GRM7: variants seen among roughly 807,000 people sequenced by gnomAD.
GRM7 encodes the protein glutamate metabotropic receptor 7.
A neutral mutation model predicts 84.5 loss-of-function variants in GRM7; 35 were observed. The ratio of observed to expected loss-of-function variants is 0.41; its 90% CI spans 0.32 to 0.55. The LOEUF is 0.55. Ranked by LOEUF, GRM7 falls within the 20% of genes least tolerant of loss-of-function variation. The pLI, the probability that GRM7 is intolerant of heterozygous loss-of-function variation, is 0.19. For missense variants in GRM7, 1,003 were observed against 1,194.6 expected (o/e 0.84, Z 2.36); for synonymous variants, 487 against 455.1 (o/e 1.07, Z -0.89).
At chr3:7,466,449 AT>A (rs1698463786) in intron 7 of GRM7, among the ~76,000 whole-genome samples, 1 of 152,240 alleles carries the variant, frequency 6.6e-6, no homozygotes, top group South Asian at 2.1e-4. Flanking sequence ...GTAGGAGTAT[AT>A]TTCTGAAAAA....
chr3:7,385,289 ATTTTTTTTTTTTTTTT>A, intron 4 of GRM7, among the ~76,000 whole-genome samples: 1 of 67,288 alleles, frequency 1.5e-5, no homozygotes, highest in African/African-American at 5.5e-5. Flanking sequence ...TTCTATATGG[ATTTTTTTTTTTTTTTT>A]TTTTTTTTTT....
chr3:7,432,083 T>C (rs1338911406), intron 5 of GRM7, among the ~76,000 whole-genome samples: 4 of 152,138 alleles, frequency 2.6e-5, no homozygotes, highest in Non-Finnish European at 5.9e-5. Context: ...AGCATGAAGC[T>C]GGAACTGCTT....
At chr3:7,201,912 C>T (rs1443937468) in intron 2 of GRM7, among the ~76,000 whole-genome samples, 7 of 152,132 alleles carry the variant, frequency 4.6e-5, no homozygotes, top group South Asian at 2.1e-4. Flanking sequence ...GGGAATGTTT[C>T]GGAACAAGAT....
At chr3:6,957,161 C>A (rs1359161026) in intron 1 of GRM7, among the ~76,000 whole-genome samples, 2 of 152,184 alleles carry the variant, frequency 1.3e-5, no homozygotes, top group African/African-American at 2.4e-5. Flanking sequence ...GGGACTGCCA[C>A]TAAGTGCAAT....
At chr3:7,731,576 A>T (rs1420872636) in intron 9 of GRM7, among the ~76,000 whole-genome samples, 1 of 152,184 alleles carries the variant, frequency 6.6e-6, no homozygotes, top group Non-Finnish European at 1.5e-5. Flanking sequence ...CTTGCCCAAA[A>T]CTCAACCACT....
In GRM7 at chr3:7,191,676, G is replaced by C. The variant is rs78756995; in HGVS notation, c.736+45008G>C. On this transcript the variant is annotated intron_variant, in intron 2 of 9. Transcript: ENST00000357716. ...ACATACTAGATGAATCCATTTCTATGACATTCTTGAAACGACAAGGCATGA... is the reference window on the plus strand; with the variant it reads ...ACATACTAGATGAATCCATTTCTATCACATTCTTGAAACGACAAGGCATGA... 1.2e-3 allele frequency among the ~76,000 whole-genome samples: 183 copies of C among 150,628 alleles called. 1 individual carries two copies. Among genetic ancestry groups the C allele is most frequent in the African/African-American group, 4.4e-3 (180 of 40,894 alleles).
At chr3:7,383,014 T>C (rs1221333290) in intron 4 of GRM7, among the ~76,000 whole-genome samples, 5 of 152,164 alleles carry the variant, frequency 3.3e-5, no homozygotes, top group African/African-American at 4.8e-5. Flanking sequence ...GCCATGTGTT[T>C]GTATTGATTT....
At chr3:7,287,228 T>C (rs1699462489) in intron 2 of GRM7, among the ~76,000 whole-genome samples, 1 of 152,194 alleles carries the variant, frequency 6.6e-6, no homozygotes, top group Non-Finnish European at 1.5e-5. Context: ...AGGTGTGATC[T>C]AAGAACCTAA....
In GRM7 at chr3:7,461,488, C is replaced by T. The variant is rs956379637; in HGVS notation, c.1376-95C>T. 4.8e-6 allele frequency: 5 copies of T among 1,031,168 alleles called. No homozygotes were observed. The African/African-American group carries it at 7.9e-5, about 16-fold the overall frequency. 63.9% of individuals were successfully genotyped at this position (1,031,168 alleles called of 1,614,324 possible). A position where few individuals can be genotyped will look rare whatever the true frequency, so the allele number is the denominator to read the frequency against. On this transcript the variant is annotated intron_variant, in intron 6 of 9. Coordinates refer to ENST00000357716, the MANE Select transcript of GRM7 (RefSeq NM_000844.4). ...AAGGGGATATCTAGTAACTACCTTT[C>T]TCCTCGTTAAGTCTCTAGCCTGTCA...
chr3:7,064,202 A>G (rs1697537343), intron 1 of GRM7, among the ~76,000 whole-genome samples: 1 of 150,956 alleles, frequency 6.6e-6, no homozygotes, highest in South Asian at 2.1e-4. Context: ...TCTATACACT[A>G]TACTATATTT....
At chr3:7,511,426 GGTGAGTGCACCACAGACATT>G (rs1262904382) in intron 7 of GRM7, among the ~76,000 whole-genome samples, 2 of 150,078 alleles carry the variant, frequency 1.3e-5, no homozygotes, top group Non-Finnish European at 2.9e-5. Context: ...GCTGCACAGT[GGTGAGTGCACCACAGACATT>G]GTGACTGCAC....
intron 7 of GRM7, among the ~76,000 whole-genome samples, chr3:7,531,670 C>T (rs1701041455): frequency 6.6e-6 from 1 of 152,162 alleles, no homozygotes; most frequent in Non-Finnish European, 1.5e-5. Flanking sequence ...TGAGACTTTG[C>T]AGAAGTAGCT....
intron 2 of GRM7, among the ~76,000 whole-genome samples, chr3:7,263,949 T>C (rs1348977361): frequency 1.3e-5 from 2 of 151,640 alleles, no homozygotes; most frequent in African/African-American, 4.8e-5. Flanking sequence ...CGTGGGCGAG[T>C]GCATGCAGGC....
chr3:6,953,067 G>A (rs964539242), intron 1 of GRM7, among the ~76,000 whole-genome samples: 25 of 152,278 alleles, frequency 1.6e-4, no homozygotes, highest in Middle Eastern at 3.4e-3. Context: ...TTTAGTGACT[G>A]AACGTGAAGA....
chr3:7,058,492 T>A lies in GRM7; in HGVS notation c.520-87960T>A, dbSNP rs150691172. Among the ~76,000 whole-genome samples, 33 of 152,048 alleles carry A rather than the reference T, an allele frequency of 2.2e-4. No individual in the cohort carries two copies. The East Asian group carries it at 6.4e-3, about 30-fold the overall frequency. ...AGATGTTGATGTCAATATTTGATTG[T>A]TGGCAATATTGTCATTCATCTGGTT... On this transcript the variant is annotated intron_variant, in intron 1 of 9. Transcript: ENST00000357716.
rs141589209 is a variant in GRM7 at position 7,675,612 on chromosome 3, T to C, written c.2452-4437T>C. On this transcript the variant is annotated intron_variant, in intron 8 of 9. Coordinates refer to ENST00000357716, the MANE Select transcript of GRM7 (RefSeq NM_000844.4). Reference sequence around the variant, plus strand: ...ATGTTCAACTGAGCTTTGCCTGGCATTGAATTCACCACATATTTATGCACT... The same window carrying C: ...ATGTTCAACTGAGCTTTGCCTGGCACTGAATTCACCACATATTTATGCACT... Among the ~76,000 whole-genome samples the C allele has an allele frequency of 4.8e-4, 73 of 152,366 alleles. 1 individual carries two copies. Among genetic ancestry groups the C allele is most frequent in the African/African-American group, 1.3e-3 (54 of 41,590 alleles).
intron 1 of GRM7, among the ~76,000 whole-genome samples, chr3:6,898,054 G>A (rs1696249627): frequency 6.6e-6 from 1 of 152,126 alleles, no homozygotes; most frequent in Non-Finnish European, 1.5e-5. Flanking sequence ...TTCTCCATTG[G>A]TGAACCCAGT....
At chr3:7,174,966 G>A (rs1035072927) in intron 2 of GRM7, among the ~76,000 whole-genome samples, 2 of 152,166 alleles carry the variant, frequency 1.3e-5, no homozygotes, top group African/African-American at 4.8e-5. Flanking sequence ...ATGAATAATG[G>A]TGTAATACAT....
intron 5 of GRM7, among the ~76,000 whole-genome samples, chr3:7,439,991 G>T (rs1697221929): frequency 6.6e-6 from 1 of 152,174 alleles, no homozygotes; most frequent in Admixed American, 6.5e-5. Flanking sequence ...GGATAAAGTT[G>T]CATTGAGGAG....
Sources: allele counts gnomAD v4.1 joint callset (sites outside exome capture counted in the v4.1 genomes callset), GRCh38; gene constraint gnomAD v4.1.1; transcripts MANE v1.5; gene names NCBI Gene and HGNC (gene_info 2026-07-23, HGNC 2026-07-21).